The following VWA3B variants were observed in gnomAD, a reference collection of about 807,000 sequenced individuals.
VWA3B encodes the protein von Willebrand factor A domain-containing protein 3B.
VWA3B carries 138 observed loss-of-function variants against 158.3 expected under a neutral mutation model. That is an observed-to-expected ratio of 0.87 (90% CI 0.76 to 1.00). The LOEUF (loss-of-function observed/expected upper bound fraction) is 1.00. VWA3B is among the 50% of genes least tolerant of loss of function. The pLI is 0.00. For synonymous variants in VWA3B, 596 were observed against 587.3 expected (o/e 1.01, Z -0.21); for missense variants, 1,555 against 1,565.1 (o/e 0.99, Z 0.11).
intron 2 of VWA3B, among the ~76,000 whole-genome samples, chr2:98,094,964 T>C (rs1397145536): frequency 6.6e-6 from 1 of 152,226 alleles, no homozygotes; most frequent in Non-Finnish European, 1.5e-5. Flanking sequence ...TGGCTCTCTA[T>C]TCTATTCCAT....
chr2:98,264,043 T>A (rs929783468), intron 21 of VWA3B, among the ~76,000 whole-genome samples: 1 of 152,000 alleles, frequency 6.6e-6, no homozygotes. Context: ...CTTAGTAGTC[T>A]CATAATCCTT....
At chr2:98,166,577 TC>T (rs1253512046) in intron 8 of VWA3B, among the ~76,000 whole-genome samples, 1 of 152,098 alleles carries the variant, frequency 6.6e-6, no homozygotes, top group East Asian at 1.9e-4. Flanking sequence ...ATCCTGGACT[TC>T]CAACCTCAGA....
chr2:98,217,793 TTTCTC>T (rs1684151940), intron 13 of VWA3B, 48 bp from the exon 14 acceptor site: 2 of 1,473,540 alleles, frequency 1.4e-6, no homozygotes, highest in South Asian at 1.4e-5. Context: ...TATTCTTTTC[TTTCTC>T]TTCTCTTTCC....
intron 8 of VWA3B, among the ~76,000 whole-genome samples, chr2:98,176,882 G>C (rs1404343175): frequency 1.3e-5 from 2 of 152,138 alleles, no homozygotes; most frequent in Non-Finnish European, 2.9e-5. Context: ...GTTTCTGTGG[G>C]ACCCACTCTT....
chr2:98,161,914 C>A (rs970636141), intron 7 of VWA3B, among the ~76,000 whole-genome samples: 2 of 152,154 alleles, frequency 1.3e-5, no homozygotes, highest in African/African-American at 4.8e-5. Flanking sequence ...ACCATGTTGG[C>A]CAGCCTGGTC....
chr2:98,188,246 TGTGATACAGA>T, intron 10 of VWA3B, 117 bp downstream of exon 10: 1 of 1,352,758 alleles, frequency 7.4e-7, no homozygotes, highest in Non-Finnish European at 1.0e-6. Flanking sequence ...TACCTATTTA[TGTGATACAGA>T]GTGATATTTA....
At chr2:98,155,874 G>A (rs1678023455) in intron 7 of VWA3B, among the ~76,000 whole-genome samples, 1 of 152,118 alleles carries the variant, frequency 6.6e-6, no homozygotes, top group Non-Finnish European at 1.5e-5. Flanking sequence ...TATTGCTCCT[G>A]GAAATCACCC....
chr2:98,240,092 C>A (rs558450450), intron 19 of VWA3B, among the ~76,000 whole-genome samples: 2 of 151,982 alleles, frequency 1.3e-5, no homozygotes, highest in African/African-American at 4.8e-5. Context: ...CTTCTCTCAC[C>A]ACTACGCCTA....
intron 22 of VWA3B, among the ~76,000 whole-genome samples, chr2:98,289,030 T>A (rs558883587): frequency 6.6e-6 from 1 of 152,234 alleles, no homozygotes; most frequent in Admixed American, 6.5e-5. Context: ...ATAAATATTG[T>A]TCAATACTGG....
At chr2:98,107,878 C>CT (rs1177660828) in intron 2 of VWA3B, among the ~76,000 whole-genome samples, 1 of 151,430 alleles carries the variant, frequency 6.6e-6, no homozygotes, top group Non-Finnish European at 1.5e-5. Flanking sequence ...CTACTTTGAT[C>CT]TTTATTATTT....
In VWA3B at chr2:98,218,039, G is replaced by C. The variant is rs1684177847; in HGVS notation, c.2019+11G>C. On this transcript the variant is annotated intron_variant, in intron 14 of 27. Coordinates refer to ENST00000477737, the MANE Select transcript of VWA3B (RefSeq NM_144992.5). ...CCAGAGGCTGTTCAGGTAAGAGCTTGGTGGGCTAAGAAGGGAGTGTTCATT... is the reference window on the plus strand; with the variant it reads ...CCAGAGGCTGTTCAGGTAAGAGCTTCGTGGGCTAAGAAGGGAGTGTTCATT... The C allele has an allele frequency of 6.3e-7, 1 of 1,596,092 alleles. No individual in the cohort carries two copies. Among genetic ancestry groups the C allele is most frequent in the African/African-American group, 1.4e-5 (1 of 73,648 alleles).
At position 98,131,878 on chromosome 2, in the gene VWA3B, G is replaced by A. The variant is rs140546363; in HGVS notation, c.873-1946G>A. ...TTCTAATTTTCAAGATCTGTGAAGGGCTAGAAATTTTCATTGTTAACAAGA... is the reference window on the plus strand; with the variant it reads ...TTCTAATTTTCAAGATCTGTGAAGGACTAGAAATTTTCATTGTTAACAAGA... On this transcript the variant is annotated intron_variant, in intron 6 of 27. Coordinates refer to ENST00000477737, the MANE Select transcript of VWA3B (RefSeq NM_144992.5). Among the ~76,000 whole-genome samples, 990 of 152,292 alleles carry A rather than the reference G, an allele frequency of 6.5e-3. 7 individuals are homozygous for A. The highest frequency in any genetic ancestry group is 0.011 in the Non-Finnish European group (759 of 68,030).
At chr2:98,150,629 A>G (rs935662297) in intron 7 of VWA3B, among the ~76,000 whole-genome samples, 16 of 152,246 alleles carry the variant, frequency 1.1e-4, no homozygotes, top group Admixed American at 6.5e-4. Flanking sequence ...CTTTTGCCCA[A>G]TTTCTGTGAA....
chr2:98,191,290 A>G (rs2122755), intron 10 of VWA3B, among the ~76,000 whole-genome samples: 136,810 of 152,220 alleles, frequency 0.9, 61,699 homozygotes, highest in East Asian at 0.98. Context: ...ATCCTTTTCC[A>G]CTAATTCTAT....
At chr2:98,156,708 T>C (rs1217730305) in intron 7 of VWA3B, among the ~76,000 whole-genome samples, 1 of 142,066 alleles carries the variant, frequency 7.0e-6, no homozygotes, top group African/African-American at 2.6e-5. Context: ...TAAAGGAAAC[T>C]CATAAAGTTC....
chr2:98,298,506 TA>T (rs1689984299), intron 24 of VWA3B, among the ~76,000 whole-genome samples: 1 of 152,054 alleles, frequency 6.6e-6, no homozygotes, highest in African/African-American at 2.4e-5. Context: ...TCTATTCTAT[TA>T]CATAATAACA....
intron 26 of VWA3B, 89 bp from the exon 27 acceptor site, chr2:98,311,730 C>T (rs1313479025): frequency 7.1e-7 from 1 of 1,416,982 alleles, no homozygotes; most frequent in African/African-American, 1.4e-5. Context: ...GGGCAAGGAG[C>T]TGAGAAGCAG....
chr2:98,311,903 A>C lies in VWA3B; in HGVS notation c.3606A>C (p.Arg1202=). Residue 1202 remains arginine (R), a synonymous_variant, in exon 27 of 28, where the codon CGA becomes CGC. Coordinates refer to ENST00000477737, the MANE Select transcript of VWA3B (RefSeq NM_144992.5). The part of the protein sequence containing the change: ...ADTQDSREPR[R]EKPRRKKRPA... ...CGCAGGATTCCAGAGAGCCAAGACG[A>C]GAGAAGCCCAGGAGGAAAAAGAGGC... 2 of 1,611,240 alleles carry C rather than the reference A, an allele frequency of 1.2e-6. No homozygotes were observed. The highest frequency in any genetic ancestry group is 1.1e-5 in the South Asian group (1 of 90,554).
In VWA3B at chr2:98,162,977, G is replaced by A; in HGVS notation, c.1114+1G>A. 3 of 1,614,096 alleles carry A rather than the reference G, an allele frequency of 1.9e-6. No individual in the cohort carries two copies. Among genetic ancestry groups the A allele is most frequent in the South Asian group, 2.2e-5 (2 of 91,080 alleles). Reference sequence around the variant, plus strand: ...CCCGACGTGGCCACTGTGGACTGCGGTTGGTGCTATTTCTGGTCACTGGTG... The same window carrying A: ...CCCGACGTGGCCACTGTGGACTGCGATTGGTGCTATTTCTGGTCACTGGTG... On this transcript the variant is annotated splice_donor_variant, in intron 8 of 27. Coordinates refer to ENST00000477737, the MANE Select transcript of VWA3B (RefSeq NM_144992.5). LOFTEE classifies it high-confidence loss of function.
Sources: gnomAD v4.1 joint callset for allele counts (sites outside exome capture counted in the v4.1 genomes callset) on GRCh38, gnomAD v4.1.1 for gene constraint, MANE v1.5 for transcripts, NCBI Gene and HGNC (gene_info 2026-07-23, HGNC 2026-07-21) for gene names.